The following MKLN1 variants were observed in gnomAD, a reference collection of about 807,000 sequenced individuals.
The protein encoded by MKLN1 is muskelin 1.
In MKLN1, 18 loss-of-function variants were observed where a neutral mutation model predicts 99.0. The observed-to-expected ratio is 0.18, with a 90% CI of 0.13 to 0.27. MKLN1 has a LOEUF of 0.27. Ranked by LOEUF, MKLN1 falls within the 10% of genes least tolerant of loss-of-function variation. The pLI is 1.00. For synonymous variants in MKLN1, 288 were observed against 293.2 expected (o/e 0.98, Z 0.18); for missense variants, 621 against 875.9 (o/e 0.71, Z 3.67).
intron 1 of MKLN1, among the ~76,000 whole-genome samples, chr7:131,140,490 A>T (rs1201345068): frequency 6.6e-6 from 1 of 152,016 alleles, no homozygotes; most frequent in African/African-American, 2.4e-5. Context: ...TGCTGTGATG[A>T]GTGAGTTCTC....
At chr7:131,267,531 C>G (rs977590064) in intron 3 of MKLN1, among the ~76,000 whole-genome samples, 1 of 152,058 alleles carries the variant, frequency 6.6e-6, no homozygotes, top group Non-Finnish European at 1.5e-5. Flanking sequence ...AGCTATCTAG[C>G]ATTTACTAGA....
At chr7:131,146,494 C>A (rs1795816897) in intron 2 of MKLN1, among the ~76,000 whole-genome samples, 2 of 152,162 alleles carry the variant, frequency 1.3e-5, no homozygotes, top group Non-Finnish European at 2.9e-5. Flanking sequence ...CATAGATTCC[C>A]TCTATATGTA....
intron 1 of MKLN1, among the ~76,000 whole-genome samples, chr7:131,130,166 C>T (rs1339644782): frequency 6.6e-6 from 1 of 152,074 alleles, no homozygotes; most frequent in Non-Finnish European, 1.5e-5. Context: ...TCTTCTGATC[C>T]ATACAAACTG....
intron 8 of MKLN1, among the ~76,000 whole-genome samples, chr7:131,417,882 G>A (rs1795068686): frequency 1.3e-5 from 2 of 152,104 alleles, no homozygotes; most frequent in African/African-American, 2.4e-5. Flanking sequence ...TATTTAAAAT[G>A]TATTTTTAAA....
chr7:131,365,363 T>C (rs1453485048), intron 1 of MKLN1, among the ~76,000 whole-genome samples: 2 of 152,206 alleles, frequency 1.3e-5, no homozygotes, highest in Non-Finnish European at 2.9e-5. Context: ...GTCAGATACA[T>C]AGTTTGCAAA....
intron 5 of MKLN1, among the ~76,000 whole-genome samples, chr7:131,397,796 T>A (rs1215433025): frequency 3.3e-5 from 5 of 152,174 alleles, no homozygotes; most frequent in Admixed American, 6.5e-5. Flanking sequence ...TTTAGTGGGA[T>A]AGTTTTGCAG....
intron 3 of MKLN1, among the ~76,000 whole-genome samples, chr7:131,268,128 T>C (rs1057091911): frequency 6.6e-6 from 1 of 152,182 alleles, no homozygotes; most frequent in African/African-American, 2.4e-5. Context: ...TATTCACTGT[T>C]CTCCCAAGAA....
At chr7:131,123,051 T>G (rs1358542557) in intron 1 of MKLN1, among the ~76,000 whole-genome samples, 98 of 65,238 alleles carry the variant, frequency 1.5e-3, no homozygotes, top group East Asian at 4.5e-3. Context: ...AAAAAAAAAG[T>G]GTTGCTGCTA....
intron 9 of MKLN1, among the ~76,000 whole-genome samples, chr7:131,433,140 A>T (rs1365186800): frequency 6.6e-6 from 1 of 152,184 alleles, no homozygotes; most frequent in African/African-American, 2.4e-5. Flanking sequence ...TTTTGGTGTC[A>T]TGCTTCTTTA....
chr7:131,255,394 G>GAAAAACAC (rs1389958361), intron 3 of MKLN1, among the ~76,000 whole-genome samples: 2 of 152,056 alleles, frequency 1.3e-5, no homozygotes, highest in African/African-American at 2.4e-5. Context: ...AGCAGCAAGG[G>GAAAAACAC]AAAAACACAA....
intron 1 of MKLN1, among the ~76,000 whole-genome samples, chr7:131,133,761 A>G: frequency 7.7e-6 from 1 of 130,324 alleles, no homozygotes; most frequent in South Asian, 2.4e-4. Flanking sequence ...TGCTGGGATT[A>G]TAGGCATAAG....
Position 131,387,145 on chromosome 7 carries a change from C to T in MKLN1, c.194C>T (p.Pro65Leu). The T allele has an allele frequency of 6.2e-7, 1 of 1,606,658 alleles. No homozygotes were observed. Among genetic ancestry groups the T allele is most frequent in the Non-Finnish European group, 8.5e-7 (1 of 1,177,510 alleles). The change falls in exon 3 of 18, where the codon CCT becomes CTT. Residue 65 changes from proline (P) to leucine (L), a missense_variant. Physicochemically the swap from Pro to Leu is moderately conservative, Grantham distance 98. Coordinates refer to ENST00000352689, the MANE Select transcript of MKLN1 (RefSeq NM_013255.5). ...TACTTGATTCTAAAGCTCGAAAGGC[C>T]TGCTATAGTTCAGAATATCACATTT... ...PQYLILKLER[P>L]AIVQNITFGK... is the part of the protein sequence containing the mutation.
chr7:131,224,407 G>A (rs560038514), intron 3 of MKLN1, among the ~76,000 whole-genome samples: 35 of 152,112 alleles, frequency 2.3e-4, no homozygotes, highest in African/African-American at 5.1e-4. Flanking sequence ...TTAGCTGGGC[G>A]TGGTGGCGAG....
At chr7:131,280,526 G>C (rs1396281129) in intron 3 of MKLN1, among the ~76,000 whole-genome samples, 3 of 152,146 alleles carry the variant, frequency 2.0e-5, no homozygotes, top group Non-Finnish European at 4.4e-5. Flanking sequence ...CTGTGATTTT[G>C]ACTTGCATTT....
intron 1 of MKLN1, 95 bp downstream of exon 1, chr7:131,328,092 C>T (rs899286881): frequency 1.4e-6 from 2 of 1,459,418 alleles, no homozygotes; most frequent in African/African-American, 1.4e-5. Context: ...CCGAGAGGCC[C>T]AGGCGGGGCC....
chr7:131,381,209 T>C (rs939999337), intron 2 of MKLN1, among the ~76,000 whole-genome samples: 1 of 152,206 alleles, frequency 6.6e-6, no homozygotes, highest in Non-Finnish European at 1.5e-5. Flanking sequence ...AAAGGAGTTA[T>C]GATCTAACCC....
chr7:131,238,018 G>T (rs546960661), intron 3 of MKLN1, among the ~76,000 whole-genome samples: 4 of 152,198 alleles, frequency 2.6e-5, no homozygotes, highest in South Asian at 4.2e-4. Flanking sequence ...ATGGTGGTGG[G>T]TGCCTATAAT....
chr7:131,138,271 C>A (rs947768744), intron 1 of MKLN1, among the ~76,000 whole-genome samples: 2 of 152,106 alleles, frequency 1.3e-5, no homozygotes, highest in African/African-American at 4.8e-5. Flanking sequence ...TTCTTTTAAG[C>A]AAAATATTTT....
intron 12 of MKLN1, among the ~76,000 whole-genome samples, chr7:131,456,313 T>C (rs550849047): frequency 6.6e-6 from 1 of 152,298 alleles, no homozygotes; most frequent in East Asian, 1.9e-4. Context: ...CATAGAATGC[T>C]ATAAAATGAA....
Sources: allele counts gnomAD v4.1 joint callset (sites outside exome capture counted in the v4.1 genomes callset), GRCh38; gene constraint gnomAD v4.1.1; transcripts MANE v1.5; gene names NCBI Gene and HGNC (gene_info 2026-07-23, HGNC 2026-07-21).